TMEM108: variants seen among roughly 807,000 people sequenced by gnomAD.
TMEM108 encodes the protein cancer/testis antigen 124.
In TMEM108, 12 loss-of-function variants were observed where a neutral mutation model predicts 35.1. The ratio of observed to expected loss-of-function variants is 0.34; its 90% CI spans 0.22 to 0.55. TMEM108 has a LOEUF of 0.55. Ranked by LOEUF, TMEM108 falls within the 20% of genes least tolerant of loss-of-function variation. The probability of loss-of-function intolerance (pLI) is 0.89; values close to 1 mark genes in which losing one functional copy is unlikely to be tolerated. For synonymous variants in TMEM108, 287 were observed against 308.6 expected, an observed-to-expected ratio of 0.93 and a Z score of 0.73; for missense variants, 680 against 753.3, an observed-to-expected ratio of 0.90 and a Z score of 1.14.
intron 2 of TMEM108, among the ~76,000 whole-genome samples, chr3:133,222,992 T>A (rs1160164653): frequency 1.3e-5 from 2 of 152,168 alleles, no homozygotes; most frequent in South Asian, 2.1e-4. Context: ...AGCTAATTTT[T>A]AAATTTTTTT....
intron 3 of TMEM108, among the ~76,000 whole-genome samples, chr3:133,369,004 T>C (rs537691022): frequency 6.6e-6 from 1 of 152,338 alleles, no homozygotes; most frequent in African/African-American, 2.4e-5. Flanking sequence ...CTAAAAGCAC[T>C]CTGCACATAG....
intron 3 of TMEM108, among the ~76,000 whole-genome samples, chr3:133,377,144 A>T (rs978655859): frequency 6.6e-6 from 1 of 152,148 alleles, no homozygotes; most frequent in African/African-American, 2.4e-5. Flanking sequence ...TTTTACTTTA[A>T]TTACCTCTTT....
intron 2 of TMEM108, among the ~76,000 whole-genome samples, chr3:133,080,992 A>G (rs1943802653): frequency 3.3e-5 from 5 of 152,130 alleles, no homozygotes; most frequent in African/African-American, 1.2e-4. Flanking sequence ...AGCTGACCAG[A>G]TGGGTGATCT....
chr3:133,250,966 A>G (rs1946460455), intron 3 of TMEM108, among the ~76,000 whole-genome samples: 1 of 152,106 alleles, frequency 6.6e-6, no homozygotes, highest in East Asian at 1.9e-4. Flanking sequence ...ATAGCATGTT[A>G]TCAAGACAAG....
intron 2 of TMEM108, among the ~76,000 whole-genome samples, chr3:133,058,473 T>C (rs979038004): frequency 6.6e-6 from 1 of 152,244 alleles, no homozygotes; most frequent in African/African-American, 2.4e-5. Flanking sequence ...GTGTGCTTTC[T>C]CTGTCCACCT....
At chr3:133,113,991 C>T (rs939969848) in intron 2 of TMEM108, among the ~76,000 whole-genome samples, 9 of 152,166 alleles carry the variant, frequency 5.9e-5, no homozygotes, top group Admixed American at 1.3e-4. Context: ...GAAGCTACTA[C>T]TTTCACATGA....
chr3:133,091,017 G>T (rs1308024152), intron 2 of TMEM108, among the ~76,000 whole-genome samples: 2 of 151,854 alleles, frequency 1.3e-5, no homozygotes, highest in East Asian at 3.9e-4. Flanking sequence ...AAAACTATTG[G>T]GTTAAATATA....
intron 3 of TMEM108, among the ~76,000 whole-genome samples, chr3:133,280,921 A>T (rs965857176): frequency 6.6e-6 from 1 of 152,228 alleles, no homozygotes; most frequent in Non-Finnish European, 1.5e-5. Flanking sequence ...GAGAATAAAG[A>T]TGGAAATATA....
rs144787767 is a variant in TMEM108, at chr3:133,273,513, C to G, written c.40+44162C>G. On this transcript the variant is annotated intron_variant, in intron 3 of 5. Coordinates refer to ENST00000321871, the MANE Select transcript of TMEM108 (RefSeq NM_023943.4). The stretch of plus-strand genomic sequence containing the variant: ...CACAGTAAGTACTCAGCAGGACTGA[C>G]GTAGGAAGCAGGAGTGGGTGCTGAC... Among the ~76,000 whole-genome samples the G allele has an allele frequency of 2.3e-3, 357 of 152,272 alleles. 2 individuals carry two copies. The highest frequency in any genetic ancestry group is 7.9e-3 in the African/African-American group (327 of 41,560).
At chr3:133,181,219 T>TATAG (rs1171068501) in intron 2 of TMEM108, among the ~76,000 whole-genome samples, 3 of 152,010 alleles carry the variant, frequency 2.0e-5, no homozygotes, top group Non-Finnish European at 4.4e-5. Context: ...TCAGTAAAAG[T>TATAG]ATAGAGGAGG....
At chr3:133,391,362 T>C (rs537413230) in intron 5 of TMEM108, among the ~76,000 whole-genome samples, 6 of 152,180 alleles carry the variant, frequency 3.9e-5, no homozygotes, top group Non-Finnish European at 8.8e-5. Context: ...CAGTGAGAGC[T>C]GAGAAGAGTT....
At chr3:133,252,858 G>C (rs921084038) in intron 3 of TMEM108, among the ~76,000 whole-genome samples, 1 of 152,136 alleles carries the variant, frequency 6.6e-6, no homozygotes, top group Admixed American at 6.5e-5. Context: ...GCAGTTGATT[G>C]AATGTGCAGA....
intron 2 of TMEM108, among the ~76,000 whole-genome samples, chr3:133,115,337 C>T (rs897864590): frequency 6.6e-6 from 1 of 152,168 alleles, no homozygotes; most frequent in Non-Finnish European, 1.5e-5. Context: ...ATATTAATAG[C>T]AGCAGCTAAA....
At chr3:133,073,864 G>T (rs76450438) in intron 2 of TMEM108, among the ~76,000 whole-genome samples, 3,096 of 151,968 alleles carry the variant, frequency 0.02, 80 homozygotes, top group African/African-American at 0.07. Context: ...AGTGTAAGAT[G>T]ATATCTCATT....
intron 3 of TMEM108, among the ~76,000 whole-genome samples, chr3:133,373,761 A>G (rs952015102): frequency 1.4e-4 from 22 of 152,246 alleles, no homozygotes; most frequent in Non-Finnish European, 2.9e-4. Context: ...TGAAACATCA[A>G]TTGCAGAAGC....
chr3:133,148,273 G>C (rs1944750005), intron 2 of TMEM108, among the ~76,000 whole-genome samples: 1 of 152,134 alleles, frequency 6.6e-6, no homozygotes, highest in Non-Finnish European at 1.5e-5. Context: ...GTAAGAAAAT[G>C]CTCAAGATTT....
At chr3:133,060,362 A>G (rs555794503) in intron 2 of TMEM108, among the ~76,000 whole-genome samples, 1 of 152,358 alleles carries the variant, frequency 6.6e-6, no homozygotes, top group South Asian at 2.1e-4. Flanking sequence ...GTAGTAGAGC[A>G]TGGCCTGTAG....
intron 2 of TMEM108, among the ~76,000 whole-genome samples, chr3:133,163,687 C>T (rs1448228571): frequency 6.6e-6 from 1 of 152,134 alleles, no homozygotes; most frequent in Admixed American, 6.5e-5. Context: ...GCCTTGAAGA[C>T]TATGGAGAGA....
intron 2 of TMEM108, among the ~76,000 whole-genome samples, chr3:133,125,593 A>G (rs1944405162): frequency 6.6e-6 from 1 of 152,218 alleles, no homozygotes; most frequent in Non-Finnish European, 1.5e-5. Flanking sequence ...GGTACATGCT[A>G]TGATAATGAC....
Sources: allele counts gnomAD v4.1 joint callset (sites outside exome capture counted in the v4.1 genomes callset), GRCh38; gene constraint gnomAD v4.1.1; transcripts MANE v1.5; gene names NCBI Gene and HGNC (gene_info 2026-07-23, HGNC 2026-07-21).